Variants in LIN7A observed in about 807,000 individuals in gnomAD.
LIN7A encodes lin-7 cell polarity scaffold A, also known as protein lin-7 homolog A.
A neutral mutation model predicts 29.8 loss-of-function variants in LIN7A; 25 were observed. That is an observed-to-expected ratio of 0.84 (90% CI 0.61 to 1.17). LIN7A has a LOEUF of 1.17. Ranked by LOEUF, LIN7A falls within the 50% of genes most tolerant of loss-of-function variation. The pLI is 0.00. For synonymous variants in LIN7A, 118 were observed against 107.5 expected (o/e 1.10, Z -0.60); for missense variants, 239 against 287.0 (o/e 0.83, Z 1.21).
At chr12:80,843,820 T>G (rs1872934129) in intron 4 of LIN7A, among the ~76,000 whole-genome samples, 1 of 152,056 alleles carries the variant, frequency 6.6e-6, no homozygotes, top group Non-Finnish European at 1.5e-5. Context: ...CCAGATAAGG[T>G]AACTGCCGCC....
At chr12:80,881,726 C>T (rs186363270) in intron 2 of LIN7A, among the ~76,000 whole-genome samples, 69 of 152,048 alleles carry the variant, frequency 4.5e-4, no homozygotes, top group Non-Finnish European at 7.4e-5. Flanking sequence ...TAAAATATCC[C>T]TTTTATAACG....
chr12:80,854,629 G>T (rs1873507872), intron 2 of LIN7A, among the ~76,000 whole-genome samples: 1 of 151,744 alleles, frequency 6.6e-6, no homozygotes, highest in Non-Finnish European at 1.5e-5. Flanking sequence ...CAAGTATGAT[G>T]AAATTTTTGG....
chr12:80,901,224 G>T (rs1427250339), intron 1 of LIN7A, among the ~76,000 whole-genome samples: 5 of 152,062 alleles, frequency 3.3e-5, no homozygotes, highest in African/African-American at 1.2e-4. Flanking sequence ...TTCCCATCCT[G>T]TCCATCCACA....
intron 2 of LIN7A, among the ~76,000 whole-genome samples, chr12:80,874,452 G>T (rs1874581660): frequency 6.6e-6 from 1 of 152,108 alleles, no homozygotes; most frequent in Non-Finnish European, 1.5e-5. Flanking sequence ...ATTATACAAT[G>T]ATTAGTAACT....
intron 1 of LIN7A, among the ~76,000 whole-genome samples, chr12:80,931,586 C>T (rs978144725): frequency 6.7e-6 from 1 of 149,492 alleles, no homozygotes; most frequent in African/African-American, 2.5e-5. Flanking sequence ...TGCAGTGAGC[C>T]GAGATCACAC....
At position 80,829,879 on chromosome 12, in the gene LIN7A, G is replaced by T. The variant is rs189090040; in HGVS notation, c.483+15851C>A. On this transcript the variant is annotated intron_variant, in intron 4 of 5. Transcript: ENST00000552864. The stretch of plus-strand genomic sequence containing the variant: ...TATTAACTTACATCCACATCTGGTG[G>T]CCCTGCCTTTAATTCTGGCCACTTC... Among the ~76,000 whole-genome samples the T allele has an allele frequency of 3.3e-5, 5 of 152,268 alleles. No homozygotes were observed. The East Asian group carries it at 7.7e-4, about 23-fold the overall frequency.
At chr12:80,885,733 A>G (rs1039451008) in intron 2 of LIN7A, among the ~76,000 whole-genome samples, 12 of 152,106 alleles carry the variant, frequency 7.9e-5, no homozygotes, top group African/African-American at 2.9e-4. Context: ...ATAGAAAAAA[A>G]TAGTTAAGGG....
At chr12:80,931,241 T>C in intron 1 of LIN7A, among the ~76,000 whole-genome samples, 1 of 152,188 alleles carries the variant, frequency 6.6e-6, no homozygotes, top group East Asian at 1.9e-4. Context: ...ATTTCAGGGC[T>C]CGGATGAATG....
intron 5 of LIN7A, 38 bp from the exon 6 acceptor site, chr12:80,797,764 G>C (rs913821328): frequency 3.3e-5 from 5 of 152,640 alleles, no homozygotes; most frequent in African/African-American, 1.2e-4. Context: ...TCAGTGATTA[G>C]TATTCATTTG....
At chr12:80,835,104 T>G (rs1006204046) in intron 4 of LIN7A, among the ~76,000 whole-genome samples, 1 of 152,208 alleles carries the variant, frequency 6.6e-6, no homozygotes, top group Non-Finnish European at 1.5e-5. Flanking sequence ...TCTATTCATT[T>G]GAGATAAACC....
chr12:80,907,667 TG>T (rs993016107), intron 1 of LIN7A, among the ~76,000 whole-genome samples: 5 of 152,022 alleles, frequency 3.3e-5, no homozygotes, highest in African/African-American at 1.2e-4. Context: ...AAAAAGGCTA[TG>T]GAAAAAAAGT....
intron 1 of LIN7A, among the ~76,000 whole-genome samples, chr12:80,889,795 G>T (rs1875532318): frequency 3.3e-5 from 5 of 152,068 alleles, no homozygotes; most frequent in Admixed American, 3.3e-4. Flanking sequence ...TTAATGGATT[G>T]CTGTGTATCT....
intron 2 of LIN7A, among the ~76,000 whole-genome samples, chr12:80,885,920 T>C (rs1270331389): frequency 6.6e-6 from 1 of 152,158 alleles, no homozygotes; most frequent in Non-Finnish European, 1.5e-5. Flanking sequence ...GTTACACTTA[T>C]GTAAGGCAAT....
chr12:80,934,939 G>A (rs989681322), intron 1 of LIN7A, among the ~76,000 whole-genome samples: 11 of 152,044 alleles, frequency 7.2e-5, no homozygotes, highest in African/African-American at 1.2e-4. Flanking sequence ...TGTTACTGAC[G>A]GCAATCCATC....
At chr12:80,921,656 C>T (rs935742504) in intron 1 of LIN7A, among the ~76,000 whole-genome samples, 2 of 151,954 alleles carry the variant, frequency 1.3e-5, no homozygotes, top group Non-Finnish European at 2.9e-5. Context: ...ACCTAATTAC[C>T]TCCTAAAAGC....
chr12:80,853,883 G>A (rs1003644448), intron 2 of LIN7A, among the ~76,000 whole-genome samples: 23 of 152,100 alleles, frequency 1.5e-4, no homozygotes, highest in African/African-American at 4.6e-4. Flanking sequence ...TAATAGAGAC[G>A]GGGTTTCACT....
chr12:80,898,422 GC>G (rs1447924898), intron 1 of LIN7A, among the ~76,000 whole-genome samples: 5 of 151,828 alleles, frequency 3.3e-5, no homozygotes, highest in Admixed American at 2.0e-4. Flanking sequence ...CAGCTCTGTG[GC>G]TTTTTTGTTT....
chr12:80,863,510 T>G (rs984252515), intron 2 of LIN7A, among the ~76,000 whole-genome samples: 6 of 152,210 alleles, frequency 3.9e-5, no homozygotes, highest in Non-Finnish European at 7.3e-5. Context: ...TGGCTTGAAT[T>G]ATCCAGATTT....
intron 5 of LIN7A, among the ~76,000 whole-genome samples, chr12:80,800,349 T>C (rs12298708): frequency 0.49 from 73,903 of 151,242 alleles, 19,662 homozygotes; most frequent in African/African-American, 0.72. Context: ...ATTAGCTGGG[T>C]GTGGTGGCGC....
Sources: gnomAD v4.1 joint callset for allele counts (sites outside exome capture counted in the v4.1 genomes callset) on GRCh38, gnomAD v4.1.1 for gene constraint, MANE v1.5 for transcripts, NCBI Gene and HGNC (gene_info 2026-07-23, HGNC 2026-07-21) for gene names.